Variants in NPFFR2 observed in about 807,000 individuals in gnomAD.
The protein encoded by NPFFR2 is G-protein coupled receptor 74.
A neutral mutation model predicts 13.1 loss-of-function variants in NPFFR2; 15 were observed. That is an observed-to-expected ratio of 1.15 (90% CI 0.77 to 1.76). The LOEUF (loss-of-function observed/expected upper bound fraction) is 1.76. Among genes scored for constraint, NPFFR2 ranks in the 40% most tolerant of loss-of-function variants. The pLI is 0.00. For synonymous variants in NPFFR2, 190 were observed against 175.7 expected (o/e 1.08, Z -0.65); for missense variants, 572 against 503.5 (o/e 1.14, Z -1.30).
intron 1 of NPFFR2, among the ~76,000 whole-genome samples, chr4:72,044,751 T>C (rs13116641): frequency 9.2e-4 from 4 of 4,346 alleles, no homozygotes; most frequent in Middle Eastern, 0.5. Context: ...GATTATTATT[T>C]TTTTTTCTGT....
intron 1 of NPFFR2, among the ~76,000 whole-genome samples, chr4:72,076,006 C>CAGAGAG (rs746172911): frequency 4.1e-5 from 5 of 122,758 alleles, no homozygotes; most frequent in South Asian, 5.1e-4. Context: ...CACACACACA[C>CAGAGAG]AGAGAGAGAG....
chr4:72,064,176 A>G (rs1720001817), intron 1 of NPFFR2, among the ~76,000 whole-genome samples: 1 of 152,222 alleles, frequency 6.6e-6, no homozygotes, highest in Non-Finnish European at 1.5e-5. Context: ...TGCAAAACTT[A>G]CTGGCTTAAA....
chr4:72,037,024 C>A (rs1470334615), intron 1 of NPFFR2, among the ~76,000 whole-genome samples: 1 of 152,080 alleles, frequency 6.6e-6, no homozygotes, highest in Admixed American at 6.6e-5. Context: ...AGAGGTGATA[C>A]TTGCAGCGTT....
chr4:72,110,955 A>G (rs114613876), intron 1 of NPFFR2, among the ~76,000 whole-genome samples: 2,021 of 152,048 alleles, frequency 0.013, 56 homozygotes, highest in African/African-American at 0.046. Flanking sequence ...ACAAAAACAA[A>G]AAACTGCAAA....
chr4:72,088,083 C>T (rs897936806), intron 1 of NPFFR2, among the ~76,000 whole-genome samples: 6 of 151,678 alleles, frequency 4.0e-5, no homozygotes, highest in Admixed American at 6.6e-5. Flanking sequence ...CCTCAAATTC[C>T]GAGAGAGAGA....
intron 1 of NPFFR2, among the ~76,000 whole-genome samples, chr4:72,112,906 T>A (rs1721608475): frequency 6.6e-6 from 1 of 152,006 alleles, no homozygotes; most frequent in Non-Finnish European, 1.5e-5. Context: ...CACATGAAAA[T>A]ACCTGCTTAC....
intron 1 of NPFFR2, among the ~76,000 whole-genome samples, chr4:72,125,387 T>C (rs1246280722): frequency 6.6e-6 from 1 of 151,982 alleles, no homozygotes; most frequent in Admixed American, 6.6e-5. Flanking sequence ...CAACTATGTA[T>C]ATAGAAAGTC....
rs183267335 is a variant in NPFFR2, at chr4:72,141,198, A to T, written c.428+3059A>T. Among the ~76,000 whole-genome samples the T allele has an allele frequency of 2.4e-3, 361 of 150,676 alleles. 3 individuals carry two copies. The highest frequency in any genetic ancestry group is 0.011 in the East Asian group (58 of 5,136). On this transcript the variant is annotated intron_variant, in intron 3 of 3. Transcript: ENST00000308744. ...TAGTCTATCAATTTTGTTGATCTTT[A>T]AAAAAAAACCAGCTCCTGGATTCAT...
chr4:72,132,493 T>C (rs1722277135), intron 2 of NPFFR2, among the ~76,000 whole-genome samples: 1 of 152,244 alleles, frequency 6.6e-6, no homozygotes, highest in Non-Finnish European at 1.5e-5. Flanking sequence ...GAACAATTTA[T>C]ATTCCTCTGG....
chr4:72,041,695 T>A (rs944030447), intron 1 of NPFFR2, among the ~76,000 whole-genome samples: 3 of 152,164 alleles, frequency 2.0e-5, no homozygotes, highest in Admixed American at 1.3e-4. Flanking sequence ...GCCATTCTAA[T>A]TGGTGTGAGA....
chr4:72,138,117 T>G lies in NPFFR2; in HGVS notation c.406T>G (p.Leu136Val), dbSNP rs774736425. ...GISVAASVFT[L>V]VAIAVDRFQC... Reference sequence around the variant, plus strand: ...ATCTGTCGCAGCTTCAGTCTTTACGTTAGTTGCAATTGCTGTAGATAGGTA... The same window carrying G: ...ATCTGTCGCAGCTTCAGTCTTTACGGTAGTTGCAATTGCTGTAGATAGGTA... Residue 136 changes from leucine to valine, a missense_variant, in exon 3 of 4, where the codon TTA becomes GTA. Leu to Val is a conservative substitution (Grantham distance 32). Transcript: ENST00000308744. The G allele has an allele frequency of 1.9e-6, 3 of 1,613,244 alleles. No individual in the cohort carries two copies. The African/African-American group carries it at 4.0e-5, about 22-fold the overall frequency.
intron 1 of NPFFR2, among the ~76,000 whole-genome samples, chr4:72,053,173 T>C (rs1321060019): frequency 6.6e-6 from 1 of 151,876 alleles, no homozygotes; most frequent in East Asian, 1.9e-4. Context: ...TTTTACAGAA[T>C]TTGACTCATT....
At chr4:72,090,530 A>C (rs964936177) in intron 1 of NPFFR2, among the ~76,000 whole-genome samples, 1 of 151,810 alleles carries the variant, frequency 6.6e-6, no homozygotes, top group Non-Finnish European at 1.5e-5. Flanking sequence ...CCTTGTAGAG[A>C]TCTCTCACCC....
chr4:72,092,796 A>AT (rs1344682354), intron 1 of NPFFR2, among the ~76,000 whole-genome samples: 2 of 152,156 alleles, frequency 1.3e-5, no homozygotes, highest in Admixed American at 6.6e-5. Context: ...TCATTTTGCC[A>AT]TTTTTTGTCT....
chr4:72,041,205 G>A (rs913091881), intron 1 of NPFFR2, among the ~76,000 whole-genome samples: 4 of 151,918 alleles, frequency 2.6e-5, no homozygotes, highest in South Asian at 2.1e-4. Flanking sequence ...ATATCTATGC[G>A]TTTCCAATGA....
rs574298831 is a variant in NPFFR2 at position 72,102,414 on chromosome 4, G to A, written c.-7-26171G>A. On this transcript the variant is annotated intron_variant, in intron 1 of 3. Transcript: ENST00000308744. ...TATTATACTTTAAGTTTTAGGGTACGTATGCACAACATGCAGGTTTGTTAC... is the reference window on the plus strand; with the variant it reads ...TATTATACTTTAAGTTTTAGGGTACATATGCACAACATGCAGGTTTGTTAC... Among the ~76,000 whole-genome samples the A allele has an allele frequency of 7.4e-4, 112 of 151,928 alleles. 1 individual carries two copies. Among genetic ancestry groups the A allele is most frequent in the Non-Finnish European group, 5.0e-4 (34 of 67,942 alleles).
chr4:72,107,894 G>A (rs1032248728), intron 1 of NPFFR2, among the ~76,000 whole-genome samples: 23 of 151,990 alleles, frequency 1.5e-4, no homozygotes, highest in African/African-American at 5.1e-4. Flanking sequence ...ATAAAGTTGT[G>A]AAAGTTATTT....
chr4:72,096,376 C>G (rs1721071857), intron 1 of NPFFR2, among the ~76,000 whole-genome samples: 1 of 152,136 alleles, frequency 6.6e-6, no homozygotes, highest in East Asian at 1.9e-4. Flanking sequence ...GTATTTATAA[C>G]ATGCATTCAT....
At chr4:72,091,919 G>A (rs1720927323) in intron 1 of NPFFR2, among the ~76,000 whole-genome samples, 1 of 152,014 alleles carries the variant, frequency 6.6e-6, no homozygotes, top group African/African-American at 2.4e-5. Context: ...TCCTTGAGGT[G>A]TGACCTTAGA....
Sources: gnomAD v4.1 joint callset for allele counts (sites outside exome capture counted in the v4.1 genomes callset) on GRCh38, gnomAD v4.1.1 for gene constraint, MANE v1.5 for transcripts, NCBI Gene and HGNC (gene_info 2026-07-23, HGNC 2026-07-21) for gene names.